GNAQ: variants seen among roughly 807,000 people sequenced by gnomAD.
GNAQ encodes the protein guanine nucleotide-binding protein G(q) subunit alpha.
A neutral mutation model predicts 43.9 loss-of-function variants in GNAQ; 8 were observed. That is an observed-to-expected ratio of 0.18 (90% CI 0.11 to 0.33). The LOEUF (loss-of-function observed/expected upper bound fraction) is 0.33. Ranked by LOEUF, GNAQ falls within the 10% of genes least tolerant of loss-of-function variation. The pLI is 1.00. For synonymous variants in GNAQ, 155 were observed against 170.7 expected, an observed-to-expected ratio of 0.91 and a Z score of 0.71; for missense variants, 158 against 450.8, an observed-to-expected ratio of 0.35 and a Z score of 5.88.
At chr9:77,782,621 A>C (rs971414624) in intron 5 of GNAQ, among the ~76,000 whole-genome samples, 8 of 152,336 alleles carry the variant, frequency 5.3e-5, no homozygotes, top group African/African-American at 1.9e-4. Flanking sequence ...TACTCTTACC[A>C]TATAATCCAG....
At chr9:77,912,286 C>T (rs887896537) in intron 2 of GNAQ, among the ~76,000 whole-genome samples, 9 of 152,156 alleles carry the variant, frequency 5.9e-5, no homozygotes, top group Admixed American at 5.9e-4. Context: ...AAAGGTGACA[C>T]TGTATTGCTC....
At chr9:77,838,565 T>C (rs1827432102) in intron 2 of GNAQ, among the ~76,000 whole-genome samples, 1 of 151,908 alleles carries the variant, frequency 6.6e-6, no homozygotes, top group Non-Finnish European at 1.5e-5. Context: ...TATTTCTGCC[T>C]CATGATGGGA....
chr9:78,012,545 T>C (rs1564178114), intron 1 of GNAQ, among the ~76,000 whole-genome samples: 1 of 152,066 alleles, frequency 6.6e-6, no homozygotes, highest in Non-Finnish European at 1.5e-5. Context: ...ATTCAGGAAA[T>C]ATATCACCCA....
chr9:77,909,308 T>C (rs1400755945), intron 2 of GNAQ, among the ~76,000 whole-genome samples: 1 of 152,180 alleles, frequency 6.6e-6, no homozygotes, highest in Non-Finnish European at 1.5e-5. Context: ...CATGATCTCA[T>C]CCTGTTGCCA....
At chr9:77,728,087 C>T (rs750514093) in intron 6 of GNAQ, among the ~76,000 whole-genome samples, 1 of 152,020 alleles carries the variant, frequency 6.6e-6, no homozygotes, top group Admixed American at 6.6e-5. Flanking sequence ...CTCCGCCTCC[C>T]GGGTTCAAGC....
At chr9:77,773,121 T>G (rs577378170) in intron 5 of GNAQ, among the ~76,000 whole-genome samples, 12 of 152,238 alleles carry the variant, frequency 7.9e-5, no homozygotes, top group Non-Finnish European at 1.8e-4. Context: ...CTTTTCATTC[T>G]CTTATTGTAA....
At chr9:77,786,834 T>C (rs1826489152) in intron 5 of GNAQ, among the ~76,000 whole-genome samples, 1 of 152,202 alleles carries the variant, frequency 6.6e-6, no homozygotes, top group African/African-American at 2.4e-5. Flanking sequence ...ACTAGGTACA[T>C]ATACACCAGA....
chr9:78,001,252 A>G (rs936404763), intron 1 of GNAQ, among the ~76,000 whole-genome samples: 1 of 151,994 alleles, frequency 6.6e-6, no homozygotes, highest in African/African-American at 2.4e-5. Flanking sequence ...ACAAAAAAAA[A>G]TTGCCAGGCT....
intron 3 of GNAQ, among the ~76,000 whole-genome samples, chr9:77,809,778 A>G (rs1296226816): frequency 6.6e-6 from 1 of 152,188 alleles, no homozygotes; most frequent in Non-Finnish European, 1.5e-5. Flanking sequence ...TTGGCTAATC[A>G]AAGTAGAAGG....
intron 5 of GNAQ, among the ~76,000 whole-genome samples, chr9:77,760,794 G>A (rs1251015804): frequency 6.6e-6 from 1 of 151,682 alleles, no homozygotes; most frequent in East Asian, 2.0e-4. Context: ...TCCCATCTAG[G>A]AAGTGAGGAG....
chr9:77,959,806 A>C (rs919171414), intron 1 of GNAQ, among the ~76,000 whole-genome samples: 1 of 152,220 alleles, frequency 6.6e-6, no homozygotes, highest in Admixed American at 6.5e-5. Flanking sequence ...TATGCCAATC[A>C]GTTTTTCTAC....
intron 5 of GNAQ, among the ~76,000 whole-genome samples, chr9:77,729,634 TTTGGGAA>T (rs757294446): frequency 8.5e-5 from 13 of 152,194 alleles, no homozygotes; most frequent in Non-Finnish European, 1.8e-4. Flanking sequence ...AGGCAGCAGA[TTTGGGAA>T]TTCTCCTTCC....
intron 1 of GNAQ, among the ~76,000 whole-genome samples, chr9:78,015,882 T>C (rs921964659): frequency 4.9e-4 from 74 of 152,002 alleles, no homozygotes; most frequent in African/African-American, 1.7e-3. Context: ...TGAGAAAATA[T>C]TTTTTAAAAT....
intron 5 of GNAQ, among the ~76,000 whole-genome samples, chr9:77,752,866 C>T (rs1313188374): frequency 1.3e-5 from 2 of 152,190 alleles, no homozygotes; most frequent in South Asian, 4.1e-4. Context: ...GCAGGCAGAT[C>T]ATGAAGTCAG....
chr9:77,986,150 C>T (rs1463588758), intron 1 of GNAQ, among the ~76,000 whole-genome samples: 3 of 152,162 alleles, frequency 2.0e-5, no homozygotes, highest in Non-Finnish European at 4.4e-5. Flanking sequence ...GCCACCACCA[C>T]CTTTCCCTTG....
intron 2 of GNAQ, among the ~76,000 whole-genome samples, chr9:77,869,484 TTCC>T (rs1828001734): frequency 6.6e-6 from 1 of 152,220 alleles, no homozygotes; most frequent in Non-Finnish European, 1.5e-5. Flanking sequence ...TTTTGAATTA[TTCC>T]TTCTTGGGAT....
intron 5 of GNAQ, among the ~76,000 whole-genome samples, chr9:77,758,073 T>A (rs1448084689): frequency 6.6e-6 from 1 of 152,222 alleles, no homozygotes; most frequent in East Asian, 1.9e-4. Context: ...TTAAGCTAAG[T>A]CGAAGTCAGA....
At chr9:78,004,993 T>A (rs1464840894) in intron 1 of GNAQ, among the ~76,000 whole-genome samples, 1 of 152,088 alleles carries the variant, frequency 6.6e-6, no homozygotes, top group Non-Finnish European at 1.5e-5. Context: ...TAAACATATC[T>A]GGCCTTTATT....
chr9:77,958,933 C>A (rs946779970), intron 1 of GNAQ, among the ~76,000 whole-genome samples: 1 of 152,042 alleles, frequency 6.6e-6, no homozygotes. Flanking sequence ...CAGAGGTACC[C>A]CAAACTGTTA....
Sources: gnomAD v4.1 joint callset for allele counts (sites outside exome capture counted in the v4.1 genomes callset) on GRCh38, gnomAD v4.1.1 for gene constraint, MANE v1.5 for transcripts, NCBI Gene and HGNC (gene_info 2026-07-23, HGNC 2026-07-21) for gene names.